The following MAN2A1 variants were observed in gnomAD, a reference collection of about 807,000 sequenced individuals.
The protein encoded by MAN2A1 is mannosidase alpha class 2A member 1, also known as alpha-mannosidase 2.
MAN2A1 carries 76 observed loss-of-function variants against 142.6 expected under a neutral mutation model. The observed-to-expected ratio is 0.53, with a 90% CI of 0.44 to 0.65. The LOEUF is 0.65. Among genes scored for constraint, MAN2A1 ranks in the 30% least tolerant of loss-of-function variants. The pLI, the probability that MAN2A1 is intolerant of heterozygous loss-of-function variation, is 0.00. For synonymous variants in MAN2A1, 559 were observed against 473.2 expected, an observed-to-expected ratio of 1.18 and a Z score of -2.35; for missense variants, 1,311 against 1,365.1, an observed-to-expected ratio of 0.96 and a Z score of 0.62.
intron 4 of MAN2A1, among the ~76,000 whole-genome samples, chr5:109,743,089 G>A (rs1014777740): frequency 2.0e-5 from 3 of 152,080 alleles, no homozygotes; most frequent in African/African-American, 7.2e-5. Context: ...CATTCTCCTC[G>A]AAATTCTGTC....
chr5:109,792,106 C>T (rs975530471), intron 12 of MAN2A1, among the ~76,000 whole-genome samples: 1 of 152,028 alleles, frequency 6.6e-6, no homozygotes, highest in African/African-American at 2.4e-5. Flanking sequence ...TAACGCATTG[C>T]CATTGGCTTG....
chr5:109,848,195 C>T (rs1423578440), intron 19 of MAN2A1, among the ~76,000 whole-genome samples: 1 of 152,096 alleles, frequency 6.6e-6, no homozygotes, highest in Non-Finnish European at 1.5e-5. Context: ...TCTTAGTGTA[C>T]TTATTCTAGT....
intron 12 of MAN2A1, among the ~76,000 whole-genome samples, chr5:109,799,684 G>A (rs576486490): frequency 1.2e-4 from 18 of 152,014 alleles, no homozygotes; most frequent in African/African-American, 4.1e-4. Context: ...AACCCATGAG[G>A]TGGAGGTTGT....
At chr5:109,860,821 G>T (rs1320841473) in intron 20 of MAN2A1, among the ~76,000 whole-genome samples, 1 of 152,112 alleles carries the variant, frequency 6.6e-6, no homozygotes, top group Non-Finnish European at 1.5e-5. Flanking sequence ...AATTTCCAAA[G>T]CTTGGTTTCT....
chr5:109,698,157 GGTTA>G (rs1463221789), intron 1 of MAN2A1, among the ~76,000 whole-genome samples: 1 of 152,114 alleles, frequency 6.6e-6, no homozygotes, highest in South Asian at 2.1e-4. Context: ...TGATTGCTTG[GGTTA>G]GTTAGTCCTG....
In MAN2A1 at chr5:109,775,992, C is replaced by T. The variant is rs1445100720; in HGVS notation, c.1374+1027C>T. Reference sequence around the variant, plus strand: ...ATACATGCGGAGAATGTATAATGATCAAATCAGGGTATTTAGGATATCTAC... The same window carrying T: ...ATACATGCGGAGAATGTATAATGATTAAATCAGGGTATTTAGGATATCTAC... On this transcript the variant is annotated intron_variant, in intron 8 of 21. Coordinates refer to ENST00000261483, the MANE Select transcript of MAN2A1 (RefSeq NM_002372.4). 4.0e-5 allele frequency among the ~76,000 whole-genome samples: 6 copies of T among 151,590 alleles called. No homozygotes were observed. In the South Asian group the frequency reaches 1.2e-3, roughly 32 times the overall value.
intron 16 of MAN2A1, among the ~76,000 whole-genome samples, chr5:109,841,403 T>G (rs1054140538): frequency 6.6e-6 from 1 of 152,204 alleles, no homozygotes; most frequent in Non-Finnish European, 1.5e-5. Context: ...GTGTTTGGTT[T>G]TCCATTCCTG....
chr5:109,832,623 G>A (rs946375891), intron 16 of MAN2A1, among the ~76,000 whole-genome samples: 1 of 152,030 alleles, frequency 6.6e-6, no homozygotes, highest in Non-Finnish European at 1.5e-5. Context: ...TTCCCCACAC[G>A]TCCCCCCCTT....
intron 8 of MAN2A1, among the ~76,000 whole-genome samples, chr5:109,779,062 T>G (rs1393563796): frequency 6.6e-6 from 1 of 152,154 alleles, no homozygotes; most frequent in Admixed American, 6.5e-5. Flanking sequence ...CTTAAAGGTG[T>G]CCTAAATATT....
At chr5:109,755,837 G>C (rs1752674823) in intron 5 of MAN2A1, among the ~76,000 whole-genome samples, 1 of 152,138 alleles carries the variant, frequency 6.6e-6, no homozygotes, top group South Asian at 2.1e-4. Context: ...AGATACGGTA[G>C]CTTCAGGTAT....
At position 109,868,697 on chromosome 5, in the gene MAN2A1, A is replaced by G. The variant is rs1361374004; in HGVS notation, c.*1699A>G. The G allele has an allele frequency of 6.6e-6, 1 of 152,186 alleles. No homozygotes were observed. Among genetic ancestry groups the G allele is most frequent in the African/African-American group, 2.4e-5 (1 of 41,458 alleles). 9.4% of individuals were successfully genotyped at this position (152,186 alleles called of 1,614,324 possible). A position where few individuals can be genotyped will look rare whatever the true frequency, so the allele number is the denominator to read the frequency against. ...GTTGATAAAGATATTACAAGGGGTAATTTCATGCAATAAACATGTACCGTA... is the reference window on the plus strand; with the variant it reads ...GTTGATAAAGATATTACAAGGGGTAGTTTCATGCAATAAACATGTACCGTA... On this transcript the variant is annotated 3_prime_UTR_variant, in exon 22 of 22. Coordinates refer to ENST00000261483, the MANE Select transcript of MAN2A1 (RefSeq NM_002372.4).
chr5:109,848,349 CAA>C (rs546270408), intron 19 of MAN2A1, among the ~76,000 whole-genome samples: 10 of 152,170 alleles, frequency 6.6e-5, no homozygotes, highest in African/African-American at 2.4e-5. Flanking sequence ...CTTGTTCAGG[CAA>C]AGTTATCTTC....
intron 10 of MAN2A1, among the ~76,000 whole-genome samples, chr5:109,786,993 T>C (rs887880288): frequency 2.6e-4 from 39 of 151,970 alleles, no homozygotes; most frequent in African/African-American, 8.2e-4. Context: ...CTGTCAACAA[T>C]AGATCGAATG....
At chr5:109,770,985 G>T (rs146379415) in intron 7 of MAN2A1, among the ~76,000 whole-genome samples, 216 of 152,258 alleles carry the variant, frequency 1.4e-3, no homozygotes, top group African/African-American at 5.0e-3. Flanking sequence ...TTCAATAATA[G>T]TGAATGCTTC....
chr5:109,860,179 G>A (rs2112441064), intron 20 of MAN2A1, among the ~76,000 whole-genome samples: 1 of 151,750 alleles, frequency 6.6e-6, no homozygotes, highest in East Asian at 1.9e-4. Flanking sequence ...CCTAGCTTCT[G>A]GAAAGGTGAA....
At chr5:109,725,933 G>A (rs901726406) in intron 3 of MAN2A1, among the ~76,000 whole-genome samples, 28 of 152,008 alleles carry the variant, frequency 1.8e-4, no homozygotes, top group African/African-American at 6.3e-4. Context: ...TAGTGGTATC[G>A]AATTTGGGTT....
At chr5:109,769,748 GA>G (rs1278522149) in intron 6 of MAN2A1, among the ~76,000 whole-genome samples, 2 of 152,094 alleles carry the variant, frequency 1.3e-5, no homozygotes, top group Non-Finnish European at 2.9e-5. Context: ...CTTTGTTGGT[GA>G]AAAGTCCCAT....
intron 12 of MAN2A1, among the ~76,000 whole-genome samples, chr5:109,806,249 G>C (rs1044534519): frequency 6.6e-6 from 1 of 152,142 alleles, no homozygotes; most frequent in African/African-American, 2.4e-5. Flanking sequence ...CACCTTCCCT[G>C]TCTCTGACTC....
At chr5:109,845,804 A>C in intron 17 of MAN2A1, 61 bp from the exon 18 acceptor site, 1 of 1,387,832 alleles carries the variant, frequency 7.2e-7, no homozygotes, top group Non-Finnish European at 9.7e-7. Context: ...CCTGTCCTCA[A>C]GTTTTTAAAA....
Sources: allele counts gnomAD v4.1 joint callset (sites outside exome capture counted in the v4.1 genomes callset), GRCh38; gene constraint gnomAD v4.1.1; transcripts MANE v1.5; gene names NCBI Gene and HGNC (gene_info 2026-07-23, HGNC 2026-07-21).